Variants in PEX1 observed in about 807,000 individuals in gnomAD.
PEX1 encodes the protein peroxisomal ATPase PEX1.
A neutral mutation model predicts 152.5 loss-of-function variants in PEX1; 97 were observed. The observed-to-expected ratio is 0.64, with a 90% confidence interval of 0.54 to 0.75. PEX1 has a LOEUF of 0.75. Among genes scored for constraint, PEX1 ranks in the 30% least tolerant of loss-of-function variants. The pLI, the probability that PEX1 is intolerant of heterozygous loss-of-function variation, is 0.00. For missense variants in PEX1, 1,357 were observed against 1,516.3 expected (o/e 0.89, Z 1.74); for synonymous variants, 485 against 531.6 (o/e 0.91, Z 1.21).
chr7:92,499,704 C>T lies in PEX1; in HGVS notation c.2718G>A (p.Lys906=), dbSNP rs781653660. The T allele has an allele frequency of 1.2e-6, 2 of 1,610,900 alleles. No individual in the cohort carries two copies. Among genetic ancestry groups the T allele is most frequent in the South Asian group, 2.2e-5 (2 of 90,984 alleles). ...AAAAGAAGATAAGTAGACAACATAC[C>T]TTGACACTTATAAAATTCATTCTAC... ...RESRMNFISV[K]GPELLSKYIG... The change falls in exon 16 of 24, where the codon AAG becomes AAA. Residue 906 remains lysine (K), a splice_region_variant and synonymous_variant. Transcript: ENST00000248633.
chr7:92,509,815 G>T (rs539376820), intron 8 of PEX1, among the ~76,000 whole-genome samples: 1 of 152,170 alleles, frequency 6.6e-6, no homozygotes, highest in East Asian at 1.9e-4. Flanking sequence ...TTTATGACAA[G>T]AATGAATGTC....
At chr7:92,517,194 A>G (rs1303268278) in intron 5 of PEX1, 82 bp downstream of exon 5, 25 of 1,084,294 alleles carry the variant, frequency 2.3e-5, no homozygotes, top group Non-Finnish European at 2.4e-5. Context: ...TTCAATTTAT[A>G]TATGAAATAC....
At chr7:92,499,915 T>C in intron 15 of PEX1, 77 bp from the exon 16 acceptor site, 1 of 1,204,568 alleles carries the variant, frequency 8.3e-7, no homozygotes, top group Non-Finnish European at 1.2e-6. Flanking sequence ...TAAAGATCAA[T>C]GTATAGAAAA....
chr7:92,491,264 C>G lies in PEX1; in HGVS notation c.3438+8G>C. The G allele has an allele frequency of 1.3e-6, 2 of 1,560,658 alleles. No homozygotes were observed. Among genetic ancestry groups the G allele is most frequent in the Non-Finnish European group, 1.8e-6 (2 of 1,131,278 alleles). On this transcript the variant is annotated splice_region_variant and intron_variant, in intron 21 of 23. Coordinates refer to ENST00000248633, the MANE Select transcript of PEX1 (RefSeq NM_000466.3). ...TCAGAACTGTATAATGATGACTGCA[C>G]AAGATACCAAATCAGAAGAGGTTCC...
intron 17 of PEX1, 91 bp from the exon 18 acceptor site, chr7:92,494,720 G>T: frequency 1.1e-6 from 1 of 943,454 alleles, no homozygotes; most frequent in Non-Finnish European, 1.6e-6. Flanking sequence ...TTTATTTTAT[G>T]TATTTATATA....
At chr7:92,495,734 G>A (rs912847697) in intron 17 of PEX1, among the ~76,000 whole-genome samples, 2 of 151,336 alleles carry the variant, frequency 1.3e-5, no homozygotes, top group Admixed American at 1.3e-4. Context: ...AATTGTACTC[G>A]GTGTTCAAAA....
rs554254358 is a variant in PEX1 at position 92,491,415 on chromosome 7, C to T, written c.3295G>A (p.Asp1099Asn). Reference sequence around the variant, plus strand: ...GACTGATCTAAGCCACATTCTCCATCTCCAGCTGAATCGTCAGAGCCACTG... The same window carrying T: ...GACTGATCTAAGCCACATTCTCCATTTCCAGCTGAATCGTCAGAGCCACTG... ...HSSGSDDSAG[D>N]GECGLDQSLV... The change falls in exon 21 of 24, where the codon GAT becomes AAT. Residue 1099 changes from aspartate (D) to asparagine (N), a missense_variant. Transcript: ENST00000248633. 8 of 1,613,694 alleles carry T rather than the reference C, an allele frequency of 5.0e-6. No homozygotes were observed. Among genetic ancestry groups the T allele is most frequent in the South Asian group, 1.1e-5 (1 of 91,090 alleles).
chr7:92,511,524 TA>T, intron 7 of PEX1, 55 bp downstream of exon 7: 3 of 1,396,786 alleles, frequency 2.1e-6, no homozygotes, highest in Non-Finnish European at 2.0e-6. Context: ...CAAGAACAAT[TA>T]AAAATGTACA....
intron 16 of PEX1, among the ~76,000 whole-genome samples, chr7:92,498,860 T>C (rs1791785315): frequency 6.6e-6 from 1 of 152,236 alleles, no homozygotes; most frequent in African/African-American, 2.4e-5. Context: ...CTCCTGCCTC[T>C]AGTTGTCTAC....
rs1791946809 is a variant in PEX1, at chr7:92,501,911, G to A, written c.2395C>T (p.Gln799Ter). Reference protein sequence around the residue: ...DRAIHSRLSRQSISTREKLVL... With the variant: ...DRAIHSRLSR ...ATACTTTCTCTGGTGGATATACTCT[G>A]ACGAGAGAGTCGAGAATGTATGGCT... is the stretch of plus-strand genomic sequence containing the variant. The change falls in exon 14 of 24, where the codon CAG (glutamine) becomes TAG (stop). Residue 799 changes from glutamine (Q) to a stop codon, truncating the protein, a stop_gained. Coordinates refer to ENST00000248633, the MANE Select transcript of PEX1 (RefSeq NM_000466.3). LOFTEE classifies it high-confidence loss of function. 1 of 1,613,744 alleles carries A rather than the reference G, an allele frequency of 6.2e-7. No homozygotes were observed. The highest frequency in any genetic ancestry group is 1.7e-5 in the Admixed American group (1 of 60,012).
intron 22 of PEX1, 62 bp from the exon 23 acceptor site, chr7:92,489,485 T>A: frequency 1.4e-6 from 2 of 1,436,132 alleles, no homozygotes; most frequent in East Asian, 4.6e-5. Context: ...AATGTGGTAG[T>A]CCAGTTGTTA....
At chr7:92,493,271 C>G in intron 19 of PEX1, 142 bp from the exon 20 acceptor site, 1 of 513,740 alleles carries the variant, frequency 1.9e-6, no homozygotes, top group Non-Finnish European at 3.3e-6. Flanking sequence ...GTACCAACAG[C>G]CTACTATTTA....
rs1365047750 is a variant in PEX1, at chr7:92,501,674, C to A, written c.2417-1G>T. On this transcript the variant is annotated splice_acceptor_variant, in intron 14 of 23. Coordinates refer to ENST00000248633, the MANE Select transcript of PEX1 (RefSeq NM_000466.3). LOFTEE classifies it high-confidence loss of function. The stretch of plus-strand genomic sequence containing the variant: ...AAGTCCAATGTTGTTAAAACTAATT[C>A]TGTTTAAAAATAAACAAAACTTCTT... 3.7e-6 allele frequency: 6 copies of A among 1,611,350 alleles called. No homozygotes were observed. Among genetic ancestry groups the A allele is most frequent in the Non-Finnish European group, 5.1e-6 (6 of 1,177,618 alleles).
chr7:92,516,662 T>C (rs1019620506), intron 5 of PEX1, among the ~76,000 whole-genome samples: 1 of 152,218 alleles, frequency 6.6e-6, no homozygotes, highest in Middle Eastern at 3.2e-3. Flanking sequence ...TAGTGACTTA[T>C]GTCATATAAA....
intron 13 of PEX1, among the ~76,000 whole-genome samples, chr7:92,502,587 G>C (rs943402753): frequency 1.3e-5 from 2 of 151,886 alleles, no homozygotes; most frequent in African/African-American, 4.8e-5. Context: ...CAGTTAACTA[G>C]CACAGGGTCT....
chr7:92,515,793 A>G (rs1792710506), intron 5 of PEX1, among the ~76,000 whole-genome samples: 1 of 151,918 alleles, frequency 6.6e-6, no homozygotes, highest in Admixed American at 6.6e-5. Context: ...CAGGAGTTCA[A>G]GACTAGCCTG....
Position 92,509,855 on chromosome 7 carries a change from C to T in PEX1, c.1588-444G>A, listed in dbSNP as rs555723887. ...TCAAAAAATAATATTGTAAAAAGAC[C>T]ACTCTTGGCTGGGTGTGGTGGTTTA... On this transcript the variant is annotated intron_variant, in intron 8 of 23. Coordinates refer to ENST00000248633, the MANE Select transcript of PEX1 (RefSeq NM_000466.3). Among the ~76,000 whole-genome samples, 5 of 151,910 alleles carry T rather than the reference C, an allele frequency of 3.3e-5. No homozygotes were observed. The South Asian group carries it at 1.0e-3, about 32-fold the overall frequency.
intron 5 of PEX1, among the ~76,000 whole-genome samples, chr7:92,516,681 T>C (rs1323471095): frequency 6.6e-6 from 1 of 152,212 alleles, no homozygotes; most frequent in Non-Finnish European, 1.5e-5. Flanking sequence ...AAGGTAGCAT[T>C]AATATTTGTG....
In PEX1 at chr7:92,518,999, A is replaced by G. The variant is rs1792933498; in HGVS notation, c.353T>C (p.Ile118Thr). The change falls in exon 3 of 24, where the codon ATA becomes ACA. Residue 118 changes from isoleucine to threonine, a missense_variant. Transcript: ENST00000248633. ...TTCTTATTTGGTTTTCTTTACCAGT[A>G]TCTCCCAATCATCTGCTGAGAGGGG... ...VEPLSADDWE[I>T]LELHAVSLEQ... The G allele has an allele frequency of 6.2e-7, 1 of 1,604,528 alleles. No individual in the cohort carries two copies. The highest frequency in any genetic ancestry group is 1.3e-5 in the African/African-American group (1 of 74,734).
Sources: gnomAD v4.1 joint callset for allele counts (sites outside exome capture counted in the v4.1 genomes callset) on GRCh38, gnomAD v4.1.1 for gene constraint, MANE v1.5 for transcripts, NCBI Gene and HGNC (gene_info 2026-07-23, HGNC 2026-07-21) for gene names.